The following MERTK variants were observed in gnomAD, a reference collection of about 807,000 sequenced individuals.
The protein encoded by MERTK is MER proto-oncogene, tyrosine kinase.
A neutral mutation model predicts 99.3 loss-of-function variants in MERTK; 69 were observed. That is an observed-to-expected ratio of 0.70 (90% CI 0.57 to 0.85). MERTK has a LOEUF of 0.85. MERTK is among the 40% of genes least tolerant of loss of function. MERTK has a pLI of 0.00. For synonymous variants in MERTK, 426 were observed against 467.6 expected, an observed-to-expected ratio of 0.91 and a Z score of 1.15; for missense variants, 1,125 against 1,249.4, an observed-to-expected ratio of 0.90 and a Z score of 1.50.
intron 5 of MERTK, among the ~76,000 whole-genome samples, chr2:111,967,245 C>T (rs149049567): frequency 1.1e-4 from 17 of 152,252 alleles, no homozygotes; most frequent in Admixed American, 3.3e-4. Context: ...GTGACTTTTG[C>T]CAAGCTTTTA....
chr2:112,026,215 C>T lies in MERTK; in HGVS notation c.2487-2136C>T, dbSNP rs142477292. 238 of 154,180 alleles carry T rather than the reference C, an allele frequency of 1.5e-3. 1 individual carries two copies. The highest frequency in any genetic ancestry group is 5.1e-3 in the African/African-American group (212 of 41,562). The allele number at this position is 154,180 out of a possible 1,614,324, so 9.6% of individuals were successfully genotyped here. A position where few individuals can be genotyped will look rare whatever the true frequency, so the allele number is the denominator to read the frequency against. Reference sequence around the variant, plus strand: ...TAGGTTAGACAGTATACATGTTCACCATGTCTTTAAAAGTCATATTTATAT... The same window carrying T: ...TAGGTTAGACAGTATACATGTTCACTATGTCTTTAAAAGTCATATTTATAT... On this transcript the variant is annotated intron_variant, in intron 18 of 18. Transcript: ENST00000295408.
Position 112,021,587 on chromosome 2 carries a change from T to C in MERTK, c.2349+6T>C. The C allele has an allele frequency of 6.2e-7, 1 of 1,609,896 alleles. No individual in the cohort carries two copies. Among genetic ancestry groups the C allele is most frequent in the Non-Finnish European group, 8.5e-7 (1 of 1,176,704 alleles). On this transcript the variant is annotated splice_donor_region_variant and intron_variant, in intron 17 of 18. Transcript: ENST00000295408. Reference sequence around the variant, plus strand: ...ACACAAGTAAAAGTGATGTGGTATGTACACAGCTTTGATTCAGGGGTCCCA... The same window carrying C: ...ACACAAGTAAAAGTGATGTGGTATGCACACAGCTTTGATTCAGGGGTCCCA...
At chr2:111,976,527 T>TGA (rs990903450) in intron 7 of MERTK, among the ~76,000 whole-genome samples, 3 of 47,426 alleles carry the variant, frequency 6.3e-5, no homozygotes, top group African/African-American at 1.4e-4. Context: ...AAAACCTGTG[T>TGA]GTGTGTGTGT....
At chr2:111,957,363 C>T (rs1285373883) in intron 4 of MERTK, among the ~76,000 whole-genome samples, 1 of 152,120 alleles carries the variant, frequency 6.6e-6, no homozygotes, top group African/African-American at 2.4e-5. Context: ...CCACATGTTG[C>T]CTCTGCCTAG....
chr2:112,022,510 G>A (rs1259752141), intron 18 of MERTK, 116 bp downstream of exon 18: 11 of 1,503,976 alleles, frequency 7.3e-6, no homozygotes, highest in Admixed American at 1.7e-5. Context: ...AGCCAGGTGG[G>A]CATGTGCAGA....
intron 18 of MERTK, 66 bp downstream of exon 18, chr2:112,022,460 C>G: frequency 6.2e-7 from 1 of 1,607,020 alleles, no homozygotes. Flanking sequence ...CTGCACTGAC[C>G]TCGGAAACAC....
At chr2:111,944,905 A>C in intron 2 of MERTK, 55 bp from the exon 3 acceptor site, 2 of 1,417,166 alleles carry the variant, frequency 1.4e-6, no homozygotes, top group South Asian at 1.2e-5. Flanking sequence ...TCCATCCTAT[A>C]ATAGGAACTC....
intron 2 of MERTK, among the ~76,000 whole-genome samples, chr2:111,929,972 G>A (rs948705615): frequency 6.6e-6 from 1 of 152,096 alleles, no homozygotes; most frequent in African/African-American, 2.4e-5. Context: ...TTCTATTTAA[G>A]CAAACCACTG....
chr2:111,898,875 G>T, intron 1 of MERTK, 79 bp downstream of exon 1: 1 of 1,408,886 alleles, frequency 7.1e-7, no homozygotes, highest in East Asian at 2.6e-5. Flanking sequence ...GAGGGAGCGC[G>T]TCCACAGGGG....
At position 111,975,271 on chromosome 2, in the gene MERTK, T is replaced by C; in HGVS notation, c.961-18T>C. 1 of 1,613,928 alleles carries C rather than the reference T, an allele frequency of 6.2e-7. No individual in the cohort carries two copies. Among genetic ancestry groups the C allele is most frequent in the Non-Finnish European group, 8.5e-7 (1 of 1,179,752 alleles). On this transcript the variant is annotated intron_variant, in intron 6 of 18. Transcript: ENST00000295408. ...CCACCTTACTAATGCCCGGTCCTCA[T>C]GTTTACTCTTCGTTTAGGTCAAGGA... is the stretch of plus-strand genomic sequence containing the variant.
chr2:112,019,535 G>C lies in MERTK; in HGVS notation c.2189+13G>C, dbSNP rs375308762. 4 of 1,583,214 alleles carry C rather than the reference G, an allele frequency of 2.5e-6. No individual in the cohort carries two copies. In the African/African-American group the frequency reaches 5.4e-5, roughly 21 times the overall value. ...CTCGAAACTGCATGTAAGAGTCCTC[G>C]GCTATCCTGGAAGGGTTTGGACCTC... is the stretch of plus-strand genomic sequence containing the variant. On this transcript the variant is annotated intron_variant, in intron 16 of 18. Transcript: ENST00000295408.
chr2:111,976,167 G>A (rs1676242386), intron 7 of MERTK, among the ~76,000 whole-genome samples: 1 of 151,994 alleles, frequency 6.6e-6, no homozygotes. Context: ...AGGAAAGGGT[G>A]TGGAGCTTCC....
At chr2:111,970,825 CCTCCCTCCTCCTT>C (rs1676103702) in intron 6 of MERTK, among the ~76,000 whole-genome samples, 1 of 123,312 alleles carries the variant, frequency 8.1e-6, no homozygotes, top group Non-Finnish European at 1.7e-5. Context: ...CCTCCCTCCT[CCTCCCTCCTCCTT>C]CTCCTCCTTC....
intron 1 of MERTK, among the ~76,000 whole-genome samples, chr2:111,917,648 A>C (rs1003099917): frequency 6.6e-6 from 1 of 152,142 alleles, no homozygotes; most frequent in Non-Finnish European, 1.5e-5. Context: ...GCACTTTGGG[A>C]GGCCGAGGTG....
intron 15 of MERTK, chr2:112,010,317 C>G (rs1677072027): frequency 2.9e-5 from 12 of 418,232 alleles, no homozygotes; most frequent in South Asian, 2.5e-4. Flanking sequence ...GCCTTACCAA[C>G]TTGAGTTGGG....
chr2:112,010,957 TCTGA>T (rs1677087955), intron 15 of MERTK, among the ~76,000 whole-genome samples: 1 of 152,156 alleles, frequency 6.6e-6, no homozygotes, highest in African/African-American at 2.4e-5. Flanking sequence ...ACAGTCATTC[TCTGA>T]CTGGGCAAAA....
intron 1 of MERTK, among the ~76,000 whole-genome samples, chr2:111,907,273 G>A (rs1466353440): frequency 1.3e-5 from 2 of 152,192 alleles, no homozygotes; most frequent in Non-Finnish European, 2.9e-5. Context: ...AATTAGCCAG[G>A]CGTGGTGGCG....
intron 6 of MERTK, among the ~76,000 whole-genome samples, chr2:111,971,969 T>C (rs1676127745): frequency 6.6e-6 from 1 of 152,104 alleles, no homozygotes; most frequent in African/African-American, 2.4e-5. Context: ...TCATGTTCTT[T>C]TGGGGCTCTG....
intron 1 of MERTK, among the ~76,000 whole-genome samples, chr2:111,917,479 G>T (rs1684372431): frequency 6.6e-6 from 1 of 152,168 alleles, no homozygotes; most frequent in African/African-American, 2.4e-5. Flanking sequence ...TTAGCTCCTA[G>T]TCTAGGACAT....
Sources: gnomAD v4.1 joint callset for allele counts (sites outside exome capture counted in the v4.1 genomes callset) on GRCh38, gnomAD v4.1.1 for gene constraint, MANE v1.5 for transcripts, NCBI Gene and HGNC (gene_info 2026-07-23, HGNC 2026-07-21) for gene names.